AGTPBP1: variants seen among roughly 807,000 people sequenced by gnomAD.
The protein encoded by AGTPBP1 is cytosolic carboxypeptidase 1.
In AGTPBP1, 70 loss-of-function variants were observed where a neutral mutation model predicts 143.9. That is an observed-to-expected ratio of 0.49 (90% CI 0.40 to 0.59). AGTPBP1 has a LOEUF of 0.59. AGTPBP1 is among the 20% of genes least tolerant of loss of function. The pLI, the probability that AGTPBP1 is intolerant of heterozygous loss-of-function variation, is 0.00. For synonymous variants in AGTPBP1, 463 were observed against 500.2 expected, an observed-to-expected ratio of 0.93 and a Z score of 0.99; for missense variants, 1,229 against 1,464.5, an observed-to-expected ratio of 0.84 and a Z score of 2.62.
the AGTPBP1 span, among the ~76,000 whole-genome samples, chr9:85,795,543 G>A: frequency 6.6e-6 from 1 of 152,178 alleles, no homozygotes; most frequent in South Asian, 2.1e-4. Context: ...AATGAGCCTG[G>A]CACTGTAGTG....
At chr9:85,697,462 T>G (rs1836332958) in intron 2 of AGTPBP1, among the ~76,000 whole-genome samples, 2 of 137,022 alleles carry the variant, frequency 1.5e-5, no homozygotes, top group Non-Finnish European at 3.1e-5. Flanking sequence ...TTTTTTTTTT[T>G]TTTTTTTTGA....
At chr9:85,604,865 A>C (rs1222278643) in intron 17 of AGTPBP1, among the ~76,000 whole-genome samples, 1 of 152,168 alleles carries the variant, frequency 6.6e-6, no homozygotes, top group Non-Finnish European at 1.5e-5. Flanking sequence ...ATAGTGTCTC[A>C]GCGGCAGAAT....
chr9:85,565,407 A>G (rs1022919544), intron 25 of AGTPBP1, among the ~76,000 whole-genome samples: 16 of 152,186 alleles, frequency 1.1e-4, no homozygotes, highest in African/African-American at 3.6e-4. Context: ...GGAAAGATGG[A>G]TTTGAAAAAT....
chr9:85,709,976 C>A (rs901613747), intron 2 of AGTPBP1, among the ~76,000 whole-genome samples: 1 of 152,124 alleles, frequency 6.6e-6, no homozygotes, highest in Admixed American at 6.5e-5. Flanking sequence ...GAATATTCTA[C>A]CAACCCTCAA....
intron 3 of AGTPBP1, among the ~76,000 whole-genome samples, chr9:85,686,298 C>T (rs1835484563): frequency 1.3e-5 from 2 of 151,940 alleles, no homozygotes; most frequent in Non-Finnish European, 2.9e-5. Flanking sequence ...CGTAGGAAAG[C>T]TTGAAGGGTT....
the AGTPBP1 span, among the ~76,000 whole-genome samples, chr9:85,805,150 GTTCT>G: frequency 2.6e-5 from 4 of 152,162 alleles, no homozygotes; most frequent in African/African-American, 9.6e-5. Flanking sequence ...CCAGCAGGTG[GTTCT>G]GGTCCTCTCC....
chr9:85,562,892 G>C (rs936610630), intron 25 of AGTPBP1, among the ~76,000 whole-genome samples: 5 of 152,264 alleles, frequency 3.3e-5, no homozygotes, highest in African/African-American at 1.2e-4. Context: ...GCGGGCCTTT[G>C]GGAGGTGATC....
At chr9:85,751,193 T>C in the AGTPBP1 span, among the ~76,000 whole-genome samples, 9 of 152,228 alleles carry the variant, frequency 5.9e-5, no homozygotes, top group Non-Finnish European at 1.0e-4. Flanking sequence ...AAGTCTTTCT[T>C]ACTGTCTCTT....
Position 85,712,236 on chromosome 9 carries a change from C to G in AGTPBP1, c.32+266G>C, listed in dbSNP as rs1837426405. ...CCGAGATCGTGCCACTGCACTCTAG[C>G]CTGGGCAACGAGAGTGAAATTCCGT... is the stretch of plus-strand genomic sequence containing the variant. On this transcript the variant is annotated intron_variant, in intron 2 of 25. Transcript: ENST00000357081. Among the ~76,000 whole-genome samples the G allele has an allele frequency of 2.0e-5, 3 of 152,076 alleles. No homozygotes were observed. The South Asian group carries it at 6.2e-4, about 31-fold the overall frequency.
intron 11 of AGTPBP1, among the ~76,000 whole-genome samples, chr9:85,650,427 A>G (rs1047810412): frequency 2.6e-5 from 4 of 152,180 alleles, no homozygotes; most frequent in Non-Finnish European, 4.4e-5. Context: ...CTTAATGAAC[A>G]GTAAATATGT....
At chr9:85,678,531 A>G (rs1834975275) in intron 4 of AGTPBP1, 133 bp from the exon 5 acceptor site, 1 of 466,946 alleles carries the variant, frequency 2.1e-6, no homozygotes, top group African/African-American at 2.0e-5. Context: ...TCAGGTTTTC[A>G]CTATTATCAT....
At chr9:85,671,231 C>T (rs981043633) in intron 7 of AGTPBP1, among the ~76,000 whole-genome samples, 3 of 152,016 alleles carry the variant, frequency 2.0e-5, no homozygotes, top group Non-Finnish European at 2.9e-5. Context: ...CAGCCATGTG[C>T]GACTGTACCA....
At chr9:85,632,059 T>C (rs1255285459) in intron 14 of AGTPBP1, among the ~76,000 whole-genome samples, 1 of 152,098 alleles carries the variant, frequency 6.6e-6, no homozygotes, top group African/African-American at 2.4e-5. Context: ...TATTTTTATT[T>C]TTTCAATTTT....
chr9:85,684,076 T>C (rs903828469), intron 3 of AGTPBP1, among the ~76,000 whole-genome samples: 1 of 152,112 alleles, frequency 6.6e-6, no homozygotes, highest in Admixed American at 6.6e-5. Flanking sequence ...CCAACCTCAC[T>C]TGGGAACACA....
chr9:85,659,031 C>T (rs1467370424), intron 9 of AGTPBP1, among the ~76,000 whole-genome samples: 1 of 152,100 alleles, frequency 6.6e-6, no homozygotes, highest in Non-Finnish European at 1.5e-5. Context: ...ATTCCTATTA[C>T]AAACCTTGTG....
At chr9:85,714,404 G>A (rs1178953275) in intron 1 of AGTPBP1, among the ~76,000 whole-genome samples, 3 of 152,212 alleles carry the variant, frequency 2.0e-5, no homozygotes, top group African/African-American at 7.2e-5. Flanking sequence ...TGTAATTGGT[G>A]TTTGAATGAG....
intron 25 of AGTPBP1, among the ~76,000 whole-genome samples, chr9:85,572,002 GTGTTTTT>G (rs1827503697): frequency 1.4e-4 from 12 of 85,306 alleles, no homozygotes; most frequent in East Asian, 3.0e-4. Context: ...TTGTTTGTGT[GTGTTTTT>G]TTTTTTTTTT....
chr9:85,596,707 C>T (rs889418409), intron 17 of AGTPBP1, among the ~76,000 whole-genome samples: 1 of 152,066 alleles, frequency 6.6e-6, no homozygotes, highest in African/African-American at 2.4e-5. Flanking sequence ...ATTAAACTTT[C>T]TACATGAAAT....
chr9:85,613,282 G>C (rs576290710), intron 17 of AGTPBP1, among the ~76,000 whole-genome samples: 2 of 151,388 alleles, frequency 1.3e-5, no homozygotes, highest in African/African-American at 4.8e-5. Flanking sequence ...AAACATACCA[G>C]AAGTTAGAAA....
Sources: allele counts gnomAD v4.1 joint callset (sites outside exome capture counted in the v4.1 genomes callset), GRCh38; gene constraint gnomAD v4.1.1; transcripts MANE v1.5; gene names NCBI Gene and HGNC (gene_info 2026-07-23, HGNC 2026-07-21).